Variants in SELENOS observed in about 807,000 individuals in gnomAD.
The protein encoded by SELENOS is VCP interacting membrane selenoprotein.
A neutral mutation model predicts 30.2 loss-of-function variants in SELENOS; 37 were observed. The observed-to-expected ratio is 1.23, with a 90% CI of 0.94 to 1.61. The LOEUF (loss-of-function observed/expected upper bound fraction) is 1.61, where lower values mean the gene tolerates loss of function less well. SELENOS is among the 40% of genes most tolerant of loss of function. The pLI is 0.00. For missense variants in SELENOS, 289 were observed against 231.8 expected, an observed-to-expected ratio of 1.25 and a Z score of -1.60; for synonymous variants, 119 against 91.6, an observed-to-expected ratio of 1.30 and a Z score of -1.71.
At chr15:101,277,239 C>T in intron 1 of SELENOS, 103 bp downstream of exon 1, 1 of 1,510,140 alleles carries the variant, frequency 6.6e-7, no homozygotes, top group East Asian at 2.5e-5. Context: ...CGTTCCCAGG[C>T]CTCCCAGGCT....
intron 1 of SELENOS, chr15:101,277,081 G>A (rs997297496): frequency 5.9e-6 from 4 of 679,518 alleles, no homozygotes; most frequent in East Asian, 2.8e-5. Flanking sequence ...AGTGACCCCA[G>A]TAACTACCAC....
intron 2 of SELENOS, among the ~76,000 whole-genome samples, chr15:101,275,670 T>C (rs572494075): frequency 2.0e-5 from 3 of 152,250 alleles, no homozygotes; most frequent in Admixed American, 6.5e-5. Context: ...ACAGAGCACA[T>C]CTTGGATACC....
chr15:101,275,025 T>G, intron 3 of SELENOS: 1 of 566,796 alleles, frequency 1.8e-6, no homozygotes, highest in Non-Finnish European at 3.1e-6. Flanking sequence ...TCCCTCCTTT[T>G]GTGCTCTGGA....
At chr15:101,274,979 G>A in intron 3 of SELENOS, 10 of 557,920 alleles carry the variant, frequency 1.8e-5, no homozygotes, top group Non-Finnish European at 2.5e-5. Context: ...ACAGGCACAT[G>A]CACACACACA....
chr15:101,275,091 C>T, intron 3 of SELENOS, 164 bp downstream of exon 3: 1 of 617,002 alleles, frequency 1.6e-6, no homozygotes, highest in Non-Finnish European at 2.8e-6. Flanking sequence ...GTGTATTCTT[C>T]TTGATATCAC....
In SELENOS at chr15:101,272,612, C is replaced by A. The variant is rs530996877; in HGVS notation, c.*159G>T. 3.0e-4 allele frequency: 203 copies of A among 676,170 alleles called. No individual in the cohort carries two copies. The East Asian group carries it at 5.4e-3, about 18-fold the overall frequency. 41.9% of individuals were successfully genotyped at this position (676,170 alleles called of 1,614,324 possible). A position where few individuals can be genotyped will look rare whatever the true frequency, so the allele number is the denominator to read the frequency against. The stretch of plus-strand genomic sequence containing the variant: ...TCATGCCTAGAGGCAACATCTATAC[C>A]TTTTGCTGACTGGAGCCCTGACATA... On this transcript the variant is annotated 3_prime_UTR_variant, in exon 6 of 6. Transcript: ENST00000526049.
rs777799287 is a variant in SELENOS, at chr15:101,275,378, A to T, written c.212-17T>A. On this transcript the variant is annotated splice_polypyrimidine_tract_variant and intron_variant, in intron 2 of 5. Transcript: ENST00000526049. ...CATCAGGTTCTAAAATGTCAGAAAAAAATGGAGATAAAGCACTGTGTACAA... is the reference window on the plus strand; with the variant it reads ...CATCAGGTTCTAAAATGTCAGAAAATAATGGAGATAAAGCACTGTGTACAA... 2.6e-6 allele frequency: 4 copies of T among 1,539,340 alleles called. No individual in the cohort carries two copies. In the South Asian group the frequency reaches 4.9e-5, roughly 19 times the overall value.
intron 5 of SELENOS, among the ~76,000 whole-genome samples, chr15:101,273,589 C>A (rs912759535): frequency 6.6e-6 from 1 of 152,222 alleles, no homozygotes; most frequent in African/African-American, 2.4e-5. Flanking sequence ...AATATCACCT[C>A]TATGTGTCTA....
intron 3 of SELENOS, 70 bp from the exon 4 acceptor site, chr15:101,274,751 T>A: frequency 7.1e-7 from 1 of 1,417,098 alleles, no homozygotes; most frequent in Non-Finnish European, 9.6e-7. Context: ...AAGCTAACTC[T>A]GATAATTCTT....
At chr15:101,273,628 A>G (rs1420115156) in intron 5 of SELENOS, among the ~76,000 whole-genome samples, 2 of 152,200 alleles carry the variant, frequency 1.3e-5, no homozygotes. Context: ...GACCATTTAA[A>G]AATAGCATTT....
At chr15:101,271,276 A>G (rs1031008060), downstream of SELENOS, 1 of 152,256 alleles carries the variant, frequency 6.6e-6, no homozygotes, top group African/African-American at 2.4e-5. Flanking sequence ...TCTGGATGAA[A>G]TATTTTAATC....
Position 101,277,205 on chromosome 15 carries a change from T to A in SELENOS, c.76+137A>T, listed in dbSNP as rs552682764. 8.9e-5 allele frequency: 125 copies of A among 1,409,670 alleles called. 1 individual carries two copies. In the South Asian group the frequency reaches 1.2e-3, roughly 14 times the overall value. The allele number at this position is 1,409,670 out of a possible 1,614,324, so 87.3% of individuals were successfully genotyped here. On this transcript the variant is annotated intron_variant, in intron 1 of 5. Transcript: ENST00000526049. ...CAAGGTCCGGGCCTGCTGCCCAAGG[T>A]CCGCGTAAGCGCCAACGCCCGACCG... is the stretch of plus-strand genomic sequence containing the variant.
At chr15:101,275,232 T>C in intron 3 of SELENOS, 23 bp downstream of exon 3, 1 of 1,524,294 alleles carries the variant, frequency 6.6e-7, no homozygotes, top group Non-Finnish European at 8.8e-7. Context: ...TATGCACACA[T>C]TCAAACTGAA....
downstream of SELENOS, chr15:101,271,239 A>G (rs1011644161): frequency 6.6e-6 from 1 of 152,210 alleles, no homozygotes; most frequent in African/African-American, 2.4e-5. Flanking sequence ...TATAACCTAC[A>G]AGGGGTTCTC....
At chr15:101,276,880 C>T (rs1263358076) in intron 1 of SELENOS, 4 of 603,466 alleles carry the variant, frequency 6.6e-6, no homozygotes, top group South Asian at 4.3e-5. Flanking sequence ...ACTTCCCAAC[C>T]ATCTGGGGAG....
In SELENOS at chr15:101,277,448, C is replaced by G. The variant is rs1016412410; in HGVS notation, c.-31G>C. On this transcript the variant is annotated 5_prime_UTR_variant, in exon 1 of 6. Transcript: ENST00000526049. ...CCGCCGCCGCCGCCGCCCAGCCCTG[C>G]CGCCGCGCCTCCAGCCGGGCGCTTC... 2.8e-6 allele frequency: 4 copies of G among 1,425,032 alleles called. No homozygotes were observed. The highest frequency in any genetic ancestry group is 3.0e-5 in the East Asian group (1 of 33,118). 88.3% of individuals were successfully genotyped at this position (1,425,032 alleles called of 1,614,324 possible).
At chr15:101,271,419 C>A (rs1488712337), downstream of SELENOS, 1 of 152,268 alleles carries the variant, frequency 6.6e-6, no homozygotes, top group East Asian at 1.9e-4. Context: ...CACTGACCCT[C>A]TCTTTGACCT....
chr15:101,274,547 C>T, intron 4 of SELENOS, 45 bp downstream of exon 4: 4 of 1,609,244 alleles, frequency 2.5e-6, no homozygotes, highest in South Asian at 1.1e-5. Context: ...TTCTACTTGG[C>T]AATCTTCATC....
At position 101,275,253 on chromosome 15, in the gene SELENOS, A is replaced by G; in HGVS notation, c.318+2T>C. The G allele has an allele frequency of 6.5e-7, 1 of 1,545,458 alleles. No homozygotes were observed. ...CACATTCAAACTGAAACCAGTTCAT[A>G]CTTGTTTCAGTTTTTCCTTATGCTT... On this transcript the variant is annotated splice_donor_variant, in intron 3 of 5. Coordinates refer to ENST00000526049, the MANE Select transcript of SELENOS (RefSeq NM_018445.6). LOFTEE classifies it high-confidence loss of function.
Sources: gnomAD v4.1 joint callset for allele counts (sites outside exome capture counted in the v4.1 genomes callset) on GRCh38, gnomAD v4.1.1 for gene constraint, MANE v1.5 for transcripts, NCBI Gene and HGNC (gene_info 2026-07-23, HGNC 2026-07-21) for gene names.